The following DACH2 variants were observed in gnomAD, a reference collection of about 807,000 sequenced individuals.
DACH2 encodes the protein dachshund homolog 2.
Under a neutral mutation model 35.8 loss-of-function variants are expected in DACH2, and 17 were observed. The ratio of observed to expected loss-of-function variants is 0.48; its 90% CI spans 0.33 to 0.71. The LOEUF (loss-of-function observed/expected upper bound fraction) is 0.71, where lower values mean the gene tolerates loss of function less well. Among genes scored for constraint, DACH2 ranks in the 30% least tolerant of loss-of-function variants. The probability of loss-of-function intolerance (pLI) is 0.02; values close to 1 mark genes in which losing one functional copy is unlikely to be tolerated. For synonymous variants in DACH2, 195 were observed against 177.3 expected (o/e 1.10, Z -0.79); for missense variants, 469 against 472.7 (o/e 0.99, Z 0.07).
At chrX:86,506,067 C>T (rs1366629978) in intron 2 of DACH2, among the ~76,000 whole-genome samples, 1 of 111,690 alleles carries the variant, frequency 9.0e-6, no homozygotes, top group Non-Finnish European at 1.9e-5. Context: ...AAATAACACC[C>T]ATTTATTGCC....
intron 3 of DACH2, among the ~76,000 whole-genome samples, chrX:86,574,748 C>T (rs1258206297): frequency 9.0e-6 from 1 of 111,155 alleles, no homozygotes; most frequent in Non-Finnish European, 1.9e-5. Flanking sequence ...TTTTAATATG[C>T]CCTTATGCTG....
chrX:86,450,849 G>C (rs1425053121), intron 2 of DACH2, among the ~76,000 whole-genome samples: 1 of 109,645 alleles, frequency 9.1e-6, no homozygotes, highest in African/African-American at 3.3e-5. Flanking sequence ...AAATATGTTT[G>C]TTGGCCATAT....
intron 2 of DACH2, among the ~76,000 whole-genome samples, chrX:86,424,639 A>G (rs1602504408): frequency 9.0e-6 from 1 of 111,385 alleles, no homozygotes; most frequent in Non-Finnish European, 1.9e-5. Flanking sequence ...GAATACTTTA[A>G]CTTCTTCCTT....
intron 7 of DACH2, among the ~76,000 whole-genome samples, chrX:86,791,831 GT>G (rs1211038320): frequency 8.9e-6 from 1 of 111,739 alleles, no homozygotes; most frequent in Non-Finnish European, 1.9e-5. Flanking sequence ...AACATGTGAA[GT>G]TTTTTTACTT....
chrX:86,300,548 A>AG (rs748632335), intron 1 of DACH2, among the ~76,000 whole-genome samples: 1 of 83,233 alleles, frequency 1.2e-5, no homozygotes, highest in African/African-American at 4.5e-5. Context: ...GGGAAGGGAG[A>AG]GGGGGGAGGG....
chrX:86,563,129 C>CTT (rs57289162), intron 3 of DACH2, among the ~76,000 whole-genome samples: 53 of 103,988 alleles, frequency 5.1e-4, no homozygotes, highest in Non-Finnish European at 7.1e-4. Context: ...GGGTAATTAT[C>CTT]TTTTTTTTTT....
intron 2 of DACH2, among the ~76,000 whole-genome samples, chrX:86,459,499 T>C (rs910509111): frequency 8.9e-6 from 1 of 111,926 alleles, no homozygotes; most frequent in Non-Finnish European, 1.9e-5. Context: ...GGGATTCAAA[T>C]GTATTTTACT....
chrX:86,200,819 G>T (rs1445805674), intron 1 of DACH2, among the ~76,000 whole-genome samples: 2 of 110,947 alleles, frequency 1.8e-5, no homozygotes, highest in African/African-American at 6.6e-5. Context: ...AAAGAGAAAT[G>T]GTTATACATT....
rs1181053202 is a variant in DACH2 at position 86,660,293 on chromosome X, C to G, written c.772+9126C>G. The stretch of plus-strand genomic sequence containing the variant: ...TATCTCCCAGGCTGTCATTCTGTCA[C>G]AGGAGATTAGATTCGCCTGACAAGA... On this transcript the variant is annotated intron_variant, in intron 4 of 11. Transcript: ENST00000373125. 2.7e-5 allele frequency among the ~76,000 whole-genome samples: 3 copies of G among 110,496 alleles called. No individual in the cohort carries two copies. In the East Asian group the frequency reaches 8.6e-4, roughly 32 times the overall value.
intron 7 of DACH2, among the ~76,000 whole-genome samples, chrX:86,793,656 G>A (rs749860953): frequency 8.9e-6 from 1 of 111,949 alleles, no homozygotes; most frequent in African/African-American, 3.2e-5. Context: ...AACTGTTTTT[G>A]CTTCTAATTT....
chrX:86,699,332 A>G (rs1360195801), intron 5 of DACH2, among the ~76,000 whole-genome samples: 2 of 112,431 alleles, frequency 1.8e-5, no homozygotes, highest in Admixed American at 9.4e-5. Flanking sequence ...TAGTAAAGAC[A>G]TACCCAAGGC....
intron 1 of DACH2, among the ~76,000 whole-genome samples, chrX:86,286,517 G>C (rs1444295361): frequency 9.0e-6 from 1 of 110,937 alleles, no homozygotes; most frequent in Non-Finnish European, 1.9e-5. Flanking sequence ...GTAGTTTGTG[G>C]TATTCTCCTC....
intron 1 of DACH2, among the ~76,000 whole-genome samples, chrX:86,228,487 G>A (rs2032876554): frequency 1.8e-5 from 2 of 109,465 alleles, no homozygotes; most frequent in East Asian, 2.9e-4. Context: ...CCAGTAGTGG[G>A]TTTGCTGGAT....
At chrX:86,717,079 ACT>A (rs1410363395) in intron 6 of DACH2, among the ~76,000 whole-genome samples, 1 of 112,083 alleles carries the variant, frequency 8.9e-6, no homozygotes, top group Non-Finnish European at 1.9e-5. Flanking sequence ...TAATTAAAAC[ACT>A]CTGATAAAAA....
chrX:86,650,835 TAG>T (rs1347362656), intron 3 of DACH2, among the ~76,000 whole-genome samples, 199 bp from the exon 4 acceptor site: 2 of 111,340 alleles, frequency 1.8e-5, no homozygotes, highest in Non-Finnish European at 3.8e-5. Context: ...CTATGTAGCA[TAG>T]CTCTGTTAAA....
chrX:86,260,941 G>A (rs2147962175), intron 1 of DACH2, among the ~76,000 whole-genome samples: 1 of 112,228 alleles, frequency 8.9e-6, no homozygotes, highest in African/African-American at 3.2e-5. Context: ...AATCCAGGAT[G>A]TTCCATCTTA....
At chrX:86,826,551 T>G (rs1404628011) in intron 11 of DACH2, among the ~76,000 whole-genome samples, 1 of 111,792 alleles carries the variant, frequency 8.9e-6, no homozygotes, top group African/African-American at 3.2e-5. Context: ...AAACAGTGTA[T>G]TATATCTTCC....
At position 86,777,406 on chromosome X, in the gene DACH2, A is replaced by G. The variant is rs1386043321; in HGVS notation, c.1241-35450A>G. Among the ~76,000 whole-genome samples, 4 of 111,110 alleles carry G rather than the reference A, an allele frequency of 3.6e-5. No homozygotes were observed. In the East Asian group the frequency reaches 1.1e-3, roughly 32 times the overall value. On this transcript the variant is annotated intron_variant, in intron 7 of 11. Coordinates refer to ENST00000373125, the MANE Select transcript of DACH2 (RefSeq NM_053281.3). ...CACACTTGTCCCTGCACATCAAAAAATCCCTAGAGAAGAGGGTTATCAGTG... is the reference window on the plus strand; with the variant it reads ...CACACTTGTCCCTGCACATCAAAAAGTCCCTAGAGAAGAGGGTTATCAGTG...
rs748612247 is a variant in DACH2, at chrX:86,390,458, A to T, written c.527+13596A>T. Among the ~76,000 whole-genome samples the T allele has an allele frequency of 3.6e-5, 4 of 111,956 alleles. No individual in the cohort carries two copies. In the East Asian group the frequency reaches 1.1e-3, roughly 31 times the overall value. On this transcript the variant is annotated intron_variant, in intron 2 of 11. Transcript: ENST00000373125. ...TAAAAACAGAATTTTAGTGTTGAGG[A>T]CTTTATGAAAGTGGAATAAATTTGT...
Sources: allele counts gnomAD v4.1 joint callset (sites outside exome capture counted in the v4.1 genomes callset), GRCh38; gene constraint gnomAD v4.1.1; transcripts MANE v1.5; gene names NCBI Gene and HGNC (gene_info 2026-07-23, HGNC 2026-07-21).